The following DOCK7 variants were observed in gnomAD, a reference collection of about 807,000 sequenced individuals.
DOCK7 encodes dedicator of cytokinesis 7.
Under a neutral mutation model 271.0 loss-of-function variants are expected in DOCK7, and 138 were observed. The ratio of observed to expected loss-of-function variants is 0.51; its 90% CI spans 0.44 to 0.59. The LOEUF is 0.59. Among genes scored for constraint, DOCK7 ranks in the 20% least tolerant of loss-of-function variants. DOCK7 has a pLI of 0.00. For missense variants in DOCK7, 2,066 were observed against 2,592.4 expected (o/e 0.80, Z 4.41); for synonymous variants, 823 against 876.1 (o/e 0.94, Z 1.07).
At position 62,477,757 on chromosome 1, in the gene DOCK7, T is replaced by G; in HGVS notation, c.5577A>C (p.Glu1859Asp). Residue 1859 changes from glutamate to aspartate, a missense_variant, in exon 44 of 50, where the codon GAA (glutamate) becomes GAC (aspartate). Physicochemically the swap from Glu to Asp is conservative, Grantham distance 45. Transcript: ENST00000635253. ...TTATTGCAGGCTCCTTGTAAACAAATTCTTGTTCATCCAAATCCCCGAACT... is the reference window on the plus strand; with the variant it reads ...TTATTGCAGGCTCCTTGTAAACAAAGTCTTGTTCATCCAAATCCCCGAACT... ...GTKFGDLDEQEFVYKEPAITK... is the reference protein window; with the variant it reads ...GTKFGDLDEQDFVYKEPAITK... The G allele has an allele frequency of 1.2e-6, 2 of 1,611,816 alleles. No individual in the cohort carries two copies. The highest frequency in any genetic ancestry group is 1.7e-6 in the Non-Finnish European group (2 of 1,179,458).
intron 31 of DOCK7, among the ~76,000 whole-genome samples, chr1:62,518,025 T>G (rs111362725): frequency 6.6e-6 from 1 of 152,186 alleles, no homozygotes; most frequent in African/African-American, 2.4e-5. Flanking sequence ...ACTATACATA[T>G]CAACATAAAT....
At chr1:62,667,755 C>T (rs1027515802) in intron 1 of DOCK7, among the ~76,000 whole-genome samples, 6 of 152,122 alleles carry the variant, frequency 3.9e-5, no homozygotes, top group Non-Finnish European at 5.9e-5. Context: ...CAGTGGCTCA[C>T]GCCTGTAATC....
rs1645102100 is a variant in DOCK7, at chr1:62,529,195, A to C, written c.3781+82T>G. 3.0e-6 allele frequency: 4 copies of C among 1,316,230 alleles called. No homozygotes were observed. In the South Asian group the frequency reaches 7.5e-5, roughly 25 times the overall value. 81.5% of individuals were successfully genotyped at this position (1,316,230 alleles called of 1,614,324 possible). ...ACACAATTCTTATTTTCCTAAAATA[A>C]GATCTTCATCCTTGAGATATTTTCT... is the stretch of plus-strand genomic sequence containing the variant. On this transcript the variant is annotated intron_variant, in intron 30 of 49. Transcript: ENST00000635253.
At position 62,648,058 on chromosome 1, in the gene DOCK7, A is replaced by T. The variant is rs779792514; in HGVS notation, c.732+48T>A. The T allele has an allele frequency of 1.9e-6, 3 of 1,545,642 alleles. No individual in the cohort carries two copies. The Admixed American group carries it at 5.1e-5, about 26-fold the overall frequency. ...ACTATATATCAATCATAATCCCAAAAGATCAATTTTAATAATCATTTGCTT... is the reference window on the plus strand; with the variant it reads ...ACTATATATCAATCATAATCCCAAATGATCAATTTTAATAATCATTTGCTT... On this transcript the variant is annotated intron_variant, in intron 6 of 49. Coordinates refer to ENST00000635253, the MANE Select transcript of DOCK7 (RefSeq NM_001367561.1).
At chr1:62,595,558 T>C (rs1005323226) in intron 14 of DOCK7, among the ~76,000 whole-genome samples, 2 of 152,166 alleles carry the variant, frequency 1.3e-5, no homozygotes, top group African/African-American at 4.8e-5. Context: ...ACTGTAACTA[T>C]TATACCCAAA....
chr1:62,654,238 A>AT (rs937804650), intron 2 of DOCK7, 79 bp from the exon 3 acceptor site: 56 of 1,332,326 alleles, frequency 4.2e-5, no homozygotes, highest in African/African-American at 7.4e-5. Flanking sequence ...GGCAAATAAC[A>AT]TTTTTTTAAA....
chr1:62,518,447 G>A (rs890483820), intron 31 of DOCK7, among the ~76,000 whole-genome samples: 133 of 152,010 alleles, frequency 8.7e-4, no homozygotes, highest in African/African-American at 2.4e-3. Flanking sequence ...GGTGGCGGGC[G>A]CCTGTAGTCC....
chr1:62,473,307 C>T (rs1645882158), intron 48 of DOCK7, among the ~76,000 whole-genome samples: 1 of 152,036 alleles, frequency 6.6e-6, no homozygotes, highest in African/African-American at 2.4e-5. Flanking sequence ...TTTTTGCTTC[C>T]AAGTTTACTG....
chr1:62,475,397 A>G, intron 46 of DOCK7, 46 bp from the exon 47 acceptor site: 1 of 1,573,612 alleles, frequency 6.4e-7, no homozygotes, highest in Non-Finnish European at 8.6e-7. Flanking sequence ...ACTGAAAACT[A>G]TTTAATGAAC....
At position 62,577,317 on chromosome 1, in the gene DOCK7, C is replaced by G. The variant is rs772186238; in HGVS notation, c.2057G>C (p.Cys686Ser). 5.7e-6 allele frequency: 9 copies of G among 1,590,734 alleles called. No individual in the cohort carries two copies. The highest frequency in any genetic ancestry group is 7.7e-6 in the Non-Finnish European group (9 of 1,166,090). ...TGGTTTTTCCAATGAGACTGGCAAG[C>G]AAAACTGGCCAGTCTTCAACCGTCC... ...QNGRLKTGQFCLPVSLEKPPQ... is the reference protein window; with the variant it reads ...QNGRLKTGQFSLPVSLEKPPQ... The change falls in exon 18 of 50, where the codon TGC becomes TCC. Residue 686 changes from cysteine (C) to serine (S), a missense_variant. Around this residue, in one of 2 missense-constraint regions of DOCK7, gnomAD observed 1,414 missense variants for 1,670.4 expected, o/e 0.85. Coordinates refer to ENST00000635253, the MANE Select transcript of DOCK7 (RefSeq NM_001367561.1).
intron 14 of DOCK7, among the ~76,000 whole-genome samples, chr1:62,595,039 C>T (rs1649019237): frequency 6.6e-6 from 1 of 152,096 alleles, no homozygotes; most frequent in Non-Finnish European, 1.5e-5. Flanking sequence ...ATTACATGAA[C>T]CAGAGTAAAG....
Position 62,454,931 on chromosome 1 carries a change from G to A in DOCK7, c.*483C>T, listed in dbSNP as rs1645306500. 1 of 310,608 alleles carries A rather than the reference G, an allele frequency of 3.2e-6. No homozygotes were observed. Among genetic ancestry groups the A allele is most frequent in the African/African-American group, 2.1e-5 (1 of 47,098 alleles). The allele number at this position is 310,608 out of a possible 1,614,324, so 19.2% of individuals were successfully genotyped here. A position where few individuals can be genotyped will look rare whatever the true frequency, so the allele number is the denominator to read the frequency against. The stretch of plus-strand genomic sequence containing the variant: ...CTATGATTTTTATTCTGCTAGGTTT[G>A]GAACTAGTTCTTGAGTCAACCCTTT... On this transcript the variant is annotated 3_prime_UTR_variant, in exon 50 of 50. Coordinates refer to ENST00000635253, the MANE Select transcript of DOCK7 (RefSeq NM_001367561.1).
At position 62,688,310 on chromosome 1, in the gene DOCK7, G is replaced by C; in HGVS notation, c.-46C>G. ...CGGCGGCGGCGGCTGCGGCGGGCCG[G>C]GTGCGGACCGGCGGGCGCGTGCCTC... On this transcript the variant is annotated 5_prime_UTR_variant, in exon 1 of 50. Transcript: ENST00000635253. The C allele has an allele frequency of 1.2e-5, 14 of 1,178,702 alleles. No homozygotes were observed. Among genetic ancestry groups the C allele is most frequent in the Non-Finnish European group, 1.5e-5 (14 of 946,720 alleles). 73.0% of individuals were successfully genotyped at this position (1,178,702 alleles called of 1,614,324 possible).
intron 22 of DOCK7, among the ~76,000 whole-genome samples, chr1:62,548,072 A>G (rs1406635409): frequency 6.6e-6 from 1 of 152,160 alleles, no homozygotes; most frequent in African/African-American, 2.4e-5. Flanking sequence ...ACCTTGAATA[A>G]GTTAGACATT....
At chr1:62,663,644 T>TA (rs1658940638) in intron 1 of DOCK7, among the ~76,000 whole-genome samples, 1 of 152,210 alleles carries the variant, frequency 6.6e-6, no homozygotes, top group Non-Finnish European at 1.5e-5. Context: ...AGTTTCAAGA[T>TA]AATCTCATTT....
chr1:62,615,506 T>C (rs1652328529), intron 14 of DOCK7, among the ~76,000 whole-genome samples: 1 of 151,736 alleles, frequency 6.6e-6, no homozygotes, highest in Non-Finnish European at 1.5e-5. Context: ...CCTTACAAAC[T>C]GTATATAAGG....
chr1:62,481,684 T>G (rs1284550323), intron 43 of DOCK7: 2 of 152,246 alleles, frequency 1.3e-5, no homozygotes, highest in African/African-American at 4.8e-5. Flanking sequence ...TTCTACTTAC[T>G]GCTTCCACAA....
intron 39 of DOCK7, chr1:62,494,941 C>T (rs1488556092): frequency 6.5e-6 from 1 of 153,060 alleles, no homozygotes; most frequent in Non-Finnish European, 1.5e-5. Flanking sequence ...ACTATTGTAT[C>T]TATTAAGGTG....
intron 21 of DOCK7, among the ~76,000 whole-genome samples, chr1:62,553,116 C>G (rs1293407311): frequency 7.1e-6 from 1 of 141,614 alleles, no homozygotes; most frequent in African/African-American, 2.6e-5. Flanking sequence ...CTCACTGCAA[C>G]CTCTGCCTCC....
Sources: allele counts gnomAD v4.1 joint callset (sites outside exome capture counted in the v4.1 genomes callset), GRCh38; gene constraint gnomAD v4.1.1; regional missense constraint gnomAD v4.1.1; transcripts MANE v1.5; gene names NCBI Gene and HGNC (gene_info 2026-07-23, HGNC 2026-07-21).